LAMP3: variants seen among roughly 807,000 people sequenced by gnomAD.
The protein encoded by LAMP3 is lysosome associated membrane protein 3, also known as lysosome-associated membrane glycoprotein 3.
Under a neutral mutation model 34.8 loss-of-function variants are expected in LAMP3, and 26 were observed. The ratio of observed to expected loss-of-function variants is 0.75; its 90% confidence interval spans 0.55 to 1.04. The LOEUF (loss-of-function observed/expected upper bound fraction) is 1.04, where lower values mean the gene tolerates loss of function less well. Among genes scored for constraint, LAMP3 ranks in the 50% least tolerant of loss-of-function variants. LAMP3 has a pLI of 0.00. For missense variants in LAMP3, 495 were observed against 524.0 expected (o/e 0.94, Z 0.54); for synonymous variants, 180 against 201.9 (o/e 0.89, Z 0.92).
Position 183,152,373 on chromosome 3 carries a change from A to C in LAMP3, c.888+2T>G. 6.2e-7 allele frequency: 1 copy of C among 1,607,520 alleles called. No homozygotes were observed. The highest frequency in any genetic ancestry group is 8.5e-7 in the Non-Finnish European group (1 of 1,177,218). ...GTTTGTGCAAAGGAGCTCAGGCCTCACCTTGGTAAATGTGAGATTCACAAA... is the reference window on the plus strand; with the variant it reads ...GTTTGTGCAAAGGAGCTCAGGCCTCCCCTTGGTAAATGTGAGATTCACAAA... On this transcript the variant is annotated splice_donor_variant, in intron 3 of 5. Transcript: ENST00000265598. LOFTEE classifies it high-confidence loss of function.
chr3:183,126,639 T>C (rs1027583181), intron 5 of LAMP3, among the ~76,000 whole-genome samples: 2 of 151,896 alleles, frequency 1.3e-5, no homozygotes, highest in Non-Finnish European at 2.9e-5. Context: ...TCTATTCTCA[T>C]TATAAATAAC....
At chr3:183,125,283 G>GTTAGT (rs1464511141) in intron 5 of LAMP3, among the ~76,000 whole-genome samples, 2 of 152,278 alleles carry the variant, frequency 1.3e-5, no homozygotes, top group African/African-American at 4.8e-5. Context: ...CTGAAATTAT[G>GTTAGT]TCCTGAACCA....
At chr3:183,126,017 GA>G (rs1486891455) in intron 5 of LAMP3, among the ~76,000 whole-genome samples, 1 of 152,154 alleles carries the variant, frequency 6.6e-6, no homozygotes, top group Non-Finnish European at 1.5e-5. Flanking sequence ...GAATTAAAAT[GA>G]GTGGGAAAAA....
chr3:183,129,823 T>A (rs557067482), intron 5 of LAMP3, among the ~76,000 whole-genome samples: 5 of 152,310 alleles, frequency 3.3e-5, no homozygotes, highest in African/African-American at 1.2e-4. Context: ...AGCCCTAACT[T>A]CCAGGACCAC....
At chr3:183,139,005 G>A (rs1720188646) in intron 4 of LAMP3, among the ~76,000 whole-genome samples, 1 of 152,036 alleles carries the variant, frequency 6.6e-6, no homozygotes, top group African/African-American at 2.4e-5. Flanking sequence ...CTTCAGAGAG[G>A]GCCTTTCTCC....
chr3:183,146,694 A>G (rs922620928), intron 3 of LAMP3, among the ~76,000 whole-genome samples: 10 of 151,410 alleles, frequency 6.6e-5, no homozygotes, highest in Admixed American at 2.0e-4. Context: ...CGTCCAGCTA[A>G]TTTTTGTATT....
intron 1 of LAMP3, among the ~76,000 whole-genome samples, chr3:183,160,138 G>C (rs501833): frequency 0.88 from 133,728 of 152,218 alleles, 58,767 homozygotes; most frequent in Middle Eastern, 0.93. Context: ...TTTGGCTTGT[G>C]TCTTACGTGT....
intron 5 of LAMP3, among the ~76,000 whole-genome samples, chr3:183,131,313 G>T (rs1468086651): frequency 1.3e-5 from 2 of 152,210 alleles, no homozygotes; most frequent in Non-Finnish European, 2.9e-5. Flanking sequence ...TCATTCTGCA[G>T]AAGAGTGAGT....
chr3:183,156,568 C>G (rs1042694880), intron 1 of LAMP3, among the ~76,000 whole-genome samples: 1 of 152,074 alleles, frequency 6.6e-6, no homozygotes, highest in Admixed American at 6.5e-5. Flanking sequence ...AAGTTCATAC[C>G]CAGTAAAAAT....
chr3:183,150,770 C>T (rs1318539450), intron 3 of LAMP3, among the ~76,000 whole-genome samples: 1 of 152,010 alleles, frequency 6.6e-6, no homozygotes, highest in African/African-American at 2.4e-5. Context: ...CTATATATTT[C>T]CCAGGCTGGT....
Position 183,149,307 on chromosome 3 carries a change from T to A in LAMP3, c.888+3068A>T, listed in dbSNP as rs949478063. On this transcript the variant is annotated intron_variant, in intron 3 of 5. Coordinates refer to ENST00000265598, the MANE Select transcript of LAMP3 (RefSeq NM_014398.4). ...CTGTAATCCCAGCACTTTGGGAGGC[T>A]CAGGGGGGCGGATCACGAGGTCAAG... Among the ~76,000 whole-genome samples, 34 of 151,436 alleles carry A rather than the reference T, an allele frequency of 2.2e-4. 1 individual carries two copies. Among genetic ancestry groups the A allele is most frequent in the African/African-American group, 7.8e-4 (32 of 41,266 alleles).
chr3:183,124,422 G>A (rs1307155733), intron 5 of LAMP3, among the ~76,000 whole-genome samples: 1 of 152,208 alleles, frequency 6.6e-6, no homozygotes, highest in Non-Finnish European at 1.5e-5. Context: ...AAGACTGTCA[G>A]AAGATTAAAT....
At chr3:183,130,214 A>T (rs1449640739) in intron 5 of LAMP3, among the ~76,000 whole-genome samples, 2 of 134,896 alleles carry the variant, frequency 1.5e-5, no homozygotes. Context: ...GCTGGAGTAC[A>T]GTGGTGCCAT....
At position 183,129,751 on chromosome 3, in the gene LAMP3, T is replaced by C. The variant is rs374743625; in HGVS notation, c.1118-5537A>G. Among the ~76,000 whole-genome samples the C allele has an allele frequency of 1.7e-4, 26 of 152,348 alleles. No homozygotes were observed. The South Asian group carries it at 2.1e-3, about 12-fold the overall frequency. ...TTTTCTTTGTATTTTACTATTTTCA[T>C]TTCTAACTTTCTGTTATGGACTAAA... On this transcript the variant is annotated intron_variant, in intron 5 of 5. Transcript: ENST00000265598.
chr3:183,132,373 CA>C (rs1719951038), intron 5 of LAMP3: 1 of 965,578 alleles, frequency 1.0e-6, no homozygotes, highest in Admixed American at 6.2e-5. Context: ...ATTTTGTAAT[CA>C]ACTTTGAAAT....
chr3:183,123,031 A>C lies in LAMP3; in HGVS notation c.*1050T>G, dbSNP rs1005403221. The C allele has an allele frequency of 2.0e-5, 3 of 152,222 alleles. No homozygotes were observed. Among genetic ancestry groups the C allele is most frequent in the Non-Finnish European group, 4.4e-5 (3 of 68,038 alleles). 9.4% of individuals were successfully genotyped at this position (152,222 alleles called of 1,614,324 possible). A position where few individuals can be genotyped will look rare whatever the true frequency, so the allele number is the denominator to read the frequency against. Reference sequence around the variant, plus strand: ...CTATAAGTTGTGAGAATGAAATGAGATATAGATAAAGTGCTTAGCCTAGAC... The same window carrying C: ...CTATAAGTTGTGAGAATGAAATGAGCTATAGATAAAGTGCTTAGCCTAGAC... On this transcript the variant is annotated 3_prime_UTR_variant, in exon 6 of 6. Coordinates refer to ENST00000265598, the MANE Select transcript of LAMP3 (RefSeq NM_014398.4).
intron 3 of LAMP3, among the ~76,000 whole-genome samples, chr3:183,149,213 G>A (rs1720536090): frequency 6.6e-6 from 1 of 151,900 alleles, no homozygotes; most frequent in Admixed American, 6.6e-5. Flanking sequence ...TGGGTGGGGT[G>A]GGGGAAAAGG....
chr3:183,152,300 C>A, intron 3 of LAMP3, 75 bp downstream of exon 3: 1 of 1,469,108 alleles, frequency 6.8e-7, no homozygotes, highest in Non-Finnish European at 9.1e-7. Flanking sequence ...TGTGGGGTTG[C>A]ACCACCTGGC....
chr3:183,154,133 G>A lies in LAMP3; in HGVS notation c.308C>T (p.Thr103Ile), dbSNP rs1215599235. The A allele has an allele frequency of 1.2e-5, 19 of 1,614,196 alleles. No homozygotes were observed. Among genetic ancestry groups the A allele is most frequent in the Non-Finnish European group, 1.6e-5 (19 of 1,180,036 alleles). ...NTATTSPITY[T>I]LVTTQATPNN... ...GGGTGTGGCCTGGGTTGTGACCAGGGTGTAGGTAATTGGGCTGGTGGTTGC... is the reference window on the plus strand; with the variant it reads ...GGGTGTGGCCTGGGTTGTGACCAGGATGTAGGTAATTGGGCTGGTGGTTGC... Residue 103 changes from threonine (T) to isoleucine (I), a missense_variant, in exon 2 of 6, where the codon ACC becomes ATC. By Grantham distance (89) the Thr-to-Ile change is moderately conservative. Coordinates refer to ENST00000265598, the MANE Select transcript of LAMP3 (RefSeq NM_014398.4).
Sources: allele counts gnomAD v4.1 joint callset (sites outside exome capture counted in the v4.1 genomes callset), GRCh38; gene constraint gnomAD v4.1.1; transcripts MANE v1.5; gene names NCBI Gene and HGNC (gene_info 2026-07-23, HGNC 2026-07-21).